The following BCKDHB variants were observed in gnomAD, a reference collection of about 807,000 sequenced individuals.
BCKDHB encodes branched chain keto acid dehydrogenase E1 subunit beta, also known as 2-oxoisovalerate dehydrogenase subunit beta, mitochondrial.
In BCKDHB, 41 loss-of-function variants were observed where a neutral mutation model predicts 48.5. The observed-to-expected ratio is 0.85, with a 90% CI of 0.66 to 1.10. The LOEUF is 1.10. Among genes scored for constraint, BCKDHB ranks in the 50% least tolerant of loss-of-function variants. The probability of loss-of-function intolerance (pLI) is 0.00; values close to 1 mark genes in which losing one functional copy is unlikely to be tolerated. For missense variants in BCKDHB, 496 were observed against 494.2 expected, an observed-to-expected ratio of 1.00 and a Z score of -0.03; for synonymous variants, 201 against 174.8, an observed-to-expected ratio of 1.15 and a Z score of -1.18.
chr6:80,437,304 G>A, the BCKDHB span, among the ~76,000 whole-genome samples: 1 of 152,140 alleles, frequency 6.6e-6, no homozygotes, highest in African/African-American at 2.4e-5. Context: ...AATCTTCAGA[G>A]CATTATCATT....
chr6:80,152,115 G>A (rs1471077590), intron 3 of BCKDHB, among the ~76,000 whole-genome samples: 1 of 151,914 alleles, frequency 6.6e-6, no homozygotes, highest in Non-Finnish European at 1.5e-5. Flanking sequence ...TTGTATTCAA[G>A]CACTGTGGAG....
At chr6:80,253,261 C>T (rs544419145) in intron 8 of BCKDHB, among the ~76,000 whole-genome samples, 1 of 152,218 alleles carries the variant, frequency 6.6e-6, no homozygotes, top group South Asian at 2.1e-4. Context: ...ACCAGCGTGC[C>T]ATGCAGAGGT....
At chr6:80,323,051 C>T (rs1432687635) in intron 9 of BCKDHB, among the ~76,000 whole-genome samples, 1 of 152,092 alleles carries the variant, frequency 6.6e-6, no homozygotes, top group East Asian at 1.9e-4. Flanking sequence ...AGATACTGTT[C>T]TGCCACATGC....
chr6:80,411,955 G>T, the BCKDHB span, among the ~76,000 whole-genome samples: 23 of 152,180 alleles, frequency 1.5e-4, no homozygotes, highest in African/African-American at 5.6e-4. Context: ...CAGCCTCTGT[G>T]GGCTGCACCC....
the BCKDHB span, among the ~76,000 whole-genome samples, chr6:80,367,848 T>G: frequency 5.3e-5 from 8 of 152,374 alleles, no homozygotes; most frequent in South Asian, 1.4e-3. Context: ...GCATGCACAT[T>G]GCACATAGTG....
intron 6 of BCKDHB, among the ~76,000 whole-genome samples, chr6:80,200,410 T>C (rs562732572): frequency 5.9e-5 from 9 of 152,268 alleles, no homozygotes; most frequent in African/African-American, 2.2e-4. Flanking sequence ...GGCCCTACTA[T>C]TTTTTCCAAA....
At chr6:80,330,608 C>G (rs1213646534) in intron 9 of BCKDHB, among the ~76,000 whole-genome samples, 1 of 152,068 alleles carries the variant, frequency 6.6e-6, no homozygotes, top group East Asian at 1.9e-4. Context: ...ACAAAGCTGG[C>G]AAATACCTCC....
chr6:80,133,423 A>G (rs977923857), intron 3 of BCKDHB, among the ~76,000 whole-genome samples: 18 of 152,336 alleles, frequency 1.2e-4, no homozygotes, highest in South Asian at 2.1e-4. Context: ...CTTTGATAGA[A>G]CAAAATAGTA....
At chr6:80,199,916 A>G (rs1299956335) in intron 6 of BCKDHB, among the ~76,000 whole-genome samples, 1 of 151,482 alleles carries the variant, frequency 6.6e-6, no homozygotes, top group East Asian at 1.9e-4. Flanking sequence ...TACTAAAAAT[A>G]CAAAATTTAG....
At chr6:80,161,224 C>T (rs1772299903) in intron 3 of BCKDHB, among the ~76,000 whole-genome samples, 1 of 152,178 alleles carries the variant, frequency 6.6e-6, no homozygotes, top group East Asian at 1.9e-4. Flanking sequence ...GGAATTTCAA[C>T]ATCCTACAAT....
chr6:80,318,804 T>A (rs1768572515), intron 9 of BCKDHB, among the ~76,000 whole-genome samples: 1 of 152,008 alleles, frequency 6.6e-6, no homozygotes, highest in Non-Finnish European at 1.5e-5. Context: ...ATTTACATCA[T>A]ATTATGTATT....
chr6:80,264,592 G>A (rs192779193), intron 8 of BCKDHB, among the ~76,000 whole-genome samples: 2 of 152,204 alleles, frequency 1.3e-5, no homozygotes, highest in African/African-American at 2.4e-5. Flanking sequence ...CAGGAGAGGA[G>A]TGCTGTCATG....
the BCKDHB span, among the ~76,000 whole-genome samples, chr6:80,360,255 G>C: frequency 6.6e-6 from 1 of 151,652 alleles, no homozygotes; most frequent in African/African-American, 2.4e-5. Context: ...TGTCTTTGAA[G>C]TAGGTGAAAA....
chr6:80,268,610 GAAATA>G (rs1300426362), intron 8 of BCKDHB, among the ~76,000 whole-genome samples: 9 of 151,966 alleles, frequency 5.9e-5, no homozygotes, highest in African/African-American at 1.7e-4. Context: ...TTTTGAGGAA[GAAATA>G]AAATAAAAAA....
chr6:80,149,511 C>T (rs1771655613), intron 3 of BCKDHB, among the ~76,000 whole-genome samples: 2 of 151,954 alleles, frequency 1.3e-5, no homozygotes, highest in African/African-American at 4.8e-5. Flanking sequence ...TATAAAGACA[C>T]ATGCACACAT....
chr6:80,232,345 T>C (rs1018999462), intron 8 of BCKDHB, among the ~76,000 whole-genome samples: 1 of 151,766 alleles, frequency 6.6e-6, no homozygotes, highest in African/African-American at 2.4e-5. Flanking sequence ...AGATCAACCA[T>C]AGAACTGTTA....
At chr6:80,220,686 C>T (rs1775401564) in intron 8 of BCKDHB, among the ~76,000 whole-genome samples, 1 of 150,552 alleles carries the variant, frequency 6.6e-6, no homozygotes, top group South Asian at 2.1e-4. Flanking sequence ...TCTTTGTAGG[C>T]AATTTGAATG....
At chr6:80,431,376 G>C in the BCKDHB span, among the ~76,000 whole-genome samples, 1 of 152,148 alleles carries the variant, frequency 6.6e-6, no homozygotes, top group South Asian at 2.1e-4. Flanking sequence ...GAATATCCTT[G>C]TTAATTTTCT....
intron 9 of BCKDHB, among the ~76,000 whole-genome samples, chr6:80,324,425 G>A (rs1768925294): frequency 6.6e-6 from 1 of 152,082 alleles, no homozygotes; most frequent in African/African-American, 2.4e-5. Context: ...AATCAGGACA[G>A]GAGATGTAGA....
Sources: gnomAD v4.1 joint callset for allele counts (sites outside exome capture counted in the v4.1 genomes callset) on GRCh38, gnomAD v4.1.1 for gene constraint, MANE v1.5 for transcripts, NCBI Gene and HGNC (gene_info 2026-07-23, HGNC 2026-07-21) for gene names.